The following NEU4 variants were observed in gnomAD, a reference collection of about 807,000 sequenced individuals.
The protein encoded by NEU4 is sialidase-4.
NEU4 carries 7 observed loss-of-function variants against 9.9 expected under a neutral mutation model. That is an observed-to-expected ratio of 0.71 (90% CI 0.40 to 1.33). The LOEUF is 1.33. Ranked by LOEUF, NEU4 falls within the 40% of genes most tolerant of loss-of-function variation. The pLI is 0.01. For synonymous variants in NEU4, 348 were observed against 316.9 expected (o/e 1.10, Z -1.04); for missense variants, 717 against 712.6 (o/e 1.01, Z -0.07).
intron 3 of NEU4, 177 bp from the exon 4 acceptor site, chr2:241,815,874 T>C (rs972327994): frequency 1.5e-6 from 1 of 665,746 alleles, no homozygotes; most frequent in African/African-American, 1.8e-5. Context: ...TGTGAGAGGC[T>C]TGTTCAGCCT....
intron 1 of NEU4, chr2:241,811,867 C>G (rs796653421): frequency 4.1e-5 from 8 of 197,240 alleles, no homozygotes; most frequent in African/African-American, 1.6e-4. Context: ...GGTGAAGGGT[C>G]TGTGGTCGGA....
intron 1 of NEU4, chr2:241,811,165 T>C: frequency 8.2e-7 from 1 of 1,222,568 alleles, no homozygotes; most frequent in Non-Finnish European, 1.0e-6. Flanking sequence ...GCACAGCCCT[T>C]GTTGGAGGGC....
chr2:241,815,705 G>A (rs1700302368), intron 3 of NEU4: 1 of 533,762 alleles, frequency 1.9e-6, no homozygotes, highest in Non-Finnish European at 3.5e-6. Context: ...CCTGACCCCG[G>A]CCCGTGGGAG....
chr2:241,811,397 T>C (rs1485980120), intron 1 of NEU4: 2 of 1,529,820 alleles, frequency 1.3e-6, no homozygotes, highest in South Asian at 2.4e-5. Flanking sequence ...TGGGCCCTTG[T>C]CTCTGCTCTG....
At position 241,816,887 on chromosome 2, in the gene NEU4, G is replaced by C; in HGVS notation, c.1294G>C (p.Gly432Arg). 6.2e-6 allele frequency: 10 copies of C among 1,612,780 alleles called. No individual in the cohort carries two copies. Among genetic ancestry groups the C allele is most frequent in the Non-Finnish European group, 7.6e-6 (9 of 1,179,916 alleles). The part of the protein sequence containing the change: ...LASIGPAPEG[G>R]LVFACLYESG... ...GTCCATCGGGCCGGCCCCTGAGGGG[G>C]GCCTGGTTTTTGCCTGCCTGTACGA... The change falls in exon 4 of 4, where the codon GGC becomes CGC. Residue 432 changes from glycine (G) to arginine (R), a missense_variant. Transcript: ENST00000407683.
In NEU4 at chr2:241,817,388, A is replaced by G; in HGVS notation, c.*340A>G. Reference sequence around the variant, plus strand: ...GTTTACTGGCTGCTTTCTGGCTCGAAATAAAGGAATCGTGCTTGTGTCGGG... The same window carrying G: ...GTTTACTGGCTGCTTTCTGGCTCGAGATAAAGGAATCGTGCTTGTGTCGGG... On this transcript the variant is annotated 3_prime_UTR_variant, in exon 4 of 4. Coordinates refer to ENST00000407683, the MANE Select transcript of NEU4 (RefSeq NM_001167600.3). 2.7e-6 allele frequency: 1 copy of G among 373,266 alleles called. No individual in the cohort carries two copies. The highest frequency in any genetic ancestry group is 4.8e-6 in the Non-Finnish European group (1 of 208,596). The allele number at this position is 373,266 out of a possible 1,614,324, so 23.1% of individuals were successfully genotyped here. A position where few individuals can be genotyped will look rare whatever the true frequency, so the allele number is the denominator to read the frequency against.
In NEU4 at chr2:241,809,278, C is replaced by G; in HGVS notation, c.-4+4C>G. 4 of 1,286,696 alleles carry G rather than the reference C, an allele frequency of 3.1e-6. No individual in the cohort carries two copies. The highest frequency in any genetic ancestry group is 4.1e-6 in the Non-Finnish European group (4 of 986,536). The allele number at this position is 1,286,696 out of a possible 1,614,324, so 79.7% of individuals were successfully genotyped here. ...AGGTTGGCGGGAACTGAAACTGGTA[C>G]GGTCTTTTTGAATAGAAATTTGGGG... On this transcript the variant is annotated splice_donor_region_variant and intron_variant, in intron 1 of 3. Transcript: ENST00000407683.
rs972682513 is a variant in NEU4, at chr2:241,816,748, G to A, written c.1155G>A (p.Gly385=). ...PTWLLYSHPV[G]RRARLHMGIR... ...GGCTGCTGTACTCCCACCCAGTGGG[G>A]CGCAGGGCTCGGCTACACATGGGTA... The change falls in exon 4 of 4, where the codon GGG becomes GGA. Residue 385 remains glycine, a synonymous_variant. Coordinates refer to ENST00000407683, the MANE Select transcript of NEU4 (RefSeq NM_001167600.3). The A allele has an allele frequency of 5.7e-6, 9 of 1,569,732 alleles. No homozygotes were observed. Among genetic ancestry groups the A allele is most frequent in the Admixed American group, 3.7e-5 (2 of 53,702 alleles).
At chr2:241,810,101 A>ACCTGCC (rs1700064426) in intron 1 of NEU4, among the ~76,000 whole-genome samples, 2 of 152,094 alleles carry the variant, frequency 1.3e-5, no homozygotes, top group Admixed American at 1.3e-4. Flanking sequence ...CTTCCCACCC[A>ACCTGCC]CCTGCCCCTG....
In NEU4 at chr2:241,816,200, G is replaced by A. The variant is rs762057533; in HGVS notation, c.607G>A (p.Asp203Asn). The change falls in exon 4 of 4, where the codon GAT (aspartate) becomes AAT (asparagine). Residue 203 changes from aspartate (D) to asparagine (N), a missense_variant. Asp to Asn is a conservative substitution (Grantham distance 23). Transcript: ENST00000407683. ...CCCTCACTCCTTCGCCTTCTACAGC[G>A]ATGACCACGGCCGCACCTGGCGCTG... Reference protein sequence around the residue: ...TSPHSFAFYSDDHGRTWRCGG... With the variant: ...TSPHSFAFYSNDHGRTWRCGG... 13 of 1,612,432 alleles carry A rather than the reference G, an allele frequency of 8.1e-6. No homozygotes were observed. Among genetic ancestry groups the A allele is most frequent in the African/African-American group, 1.3e-5 (1 of 74,920 alleles).
chr2:241,809,323 CTG>C (rs764823393), intron 1 of NEU4, 49 bp downstream of exon 1: 8 of 1,121,128 alleles, frequency 7.1e-6, no homozygotes, highest in South Asian at 2.6e-5. Flanking sequence ...CGACGTAAAA[CTG>C]TGTGTAGTTT....
At chr2:241,815,434 CA>C (rs1700293065) in intron 3 of NEU4, 1 of 538,304 alleles carries the variant, frequency 1.9e-6, no homozygotes, top group African/African-American at 1.9e-5. Flanking sequence ...CCTCCCGTCC[CA>C]GGCAAATGGG....
chr2:241,812,532 A>ACTGGGGCT (rs1700162071), intron 1 of NEU4, among the ~76,000 whole-genome samples: 1 of 67,708 alleles, frequency 1.5e-5, no homozygotes, highest in African/African-American at 4.2e-5. Flanking sequence ...GGTCACACTG[A>ACTGGGGCT]GGACACGGAG....
chr2:241,815,586 A>C (rs1700299166), intron 3 of NEU4: 4 of 494,984 alleles, frequency 8.1e-6, no homozygotes, highest in Non-Finnish European at 8.1e-6. Context: ...CCAAACCAAC[A>C]GCCACCCCGC....
intron 1 of NEU4, chr2:241,811,539 T>C: frequency 7.7e-7 from 1 of 1,291,466 alleles, no homozygotes; most frequent in Non-Finnish European, 1.0e-6. Flanking sequence ...GCTCCTGAGG[T>C]ATCTGTCCAG....
At chr2:241,815,317 T>G in intron 3 of NEU4, 170 bp downstream of exon 3, 1 of 982,186 alleles carries the variant, frequency 1.0e-6, no homozygotes, top group Non-Finnish European at 1.5e-6. Flanking sequence ...GGCAAATCCC[T>G]CTCCCCAGGA....
chr2:241,817,304 G>A lies in NEU4; in HGVS notation c.*256G>A, dbSNP rs1700389947. The A allele has an allele frequency of 2.1e-6, 1 of 473,050 alleles. No homozygotes were observed. The allele number at this position is 473,050 out of a possible 1,614,324, so 29.3% of individuals were successfully genotyped here. ...GGTGACCCCCACAGCTCCCTTCCGA[G>A]GCTGCAGGGCCAGGCGCGGGACCGC... On this transcript the variant is annotated 3_prime_UTR_variant, in exon 4 of 4. Coordinates refer to ENST00000407683, the MANE Select transcript of NEU4 (RefSeq NM_001167600.3).
Position 241,816,179 on chromosome 2 carries a change from C to T in NEU4, c.586C>T (p.His196Tyr). ...CFGKICRTSP[H>Y]SFAFYSDDHG... ...TGGCAAGATCTGCCGGACCAGCCCT[C>T]ACTCCTTCGCCTTCTACAGCGATGA... Residue 196 changes from histidine (H) to tyrosine (Y), a missense_variant, in exon 4 of 4, where the codon CAC (histidine) becomes TAC (tyrosine). By Grantham distance (83) the His-to-Tyr change is moderately conservative. Coordinates refer to ENST00000407683, the MANE Select transcript of NEU4 (RefSeq NM_001167600.3). 1 of 1,612,682 alleles carries T rather than the reference C, an allele frequency of 6.2e-7. No individual in the cohort carries two copies. The highest frequency in any genetic ancestry group is 1.1e-5 in the South Asian group (1 of 91,032).
In NEU4 at chr2:241,816,181, C is replaced by A; in HGVS notation, c.588C>A (p.His196Gln). ...GCAAGATCTGCCGGACCAGCCCTCA[C>A]TCCTTCGCCTTCTACAGCGATGACC... ...CFGKICRTSP[H>Q]SFAFYSDDHG... is the part of the protein sequence containing the mutation. The change falls in exon 4 of 4, where the codon CAC (histidine) becomes CAA (glutamine). Residue 196 changes from histidine (H) to glutamine (Q), a missense_variant. His to Gln is a conservative substitution (Grantham distance 24). Coordinates refer to ENST00000407683, the MANE Select transcript of NEU4 (RefSeq NM_001167600.3). The A allele has an allele frequency of 3.1e-6, 5 of 1,612,716 alleles. No individual in the cohort carries two copies. The highest frequency in any genetic ancestry group is 4.2e-6 in the Non-Finnish European group (5 of 1,179,864).
Sources: allele counts gnomAD v4.1 joint callset (sites outside exome capture counted in the v4.1 genomes callset), GRCh38; gene constraint gnomAD v4.1.1; transcripts MANE v1.5; gene names NCBI Gene and HGNC (gene_info 2026-07-23, HGNC 2026-07-21).